GRM8: variants seen among roughly 807,000 people sequenced by gnomAD.
GRM8 encodes metabotropic glutamate receptor 8.
Under a neutral mutation model 87.2 loss-of-function variants are expected in GRM8, and 47 were observed. The observed-to-expected ratio is 0.54, with a 90% CI of 0.43 to 0.69. The LOEUF (loss-of-function observed/expected upper bound fraction) is 0.69, where lower values mean the gene tolerates loss of function less well. Ranked by LOEUF, GRM8 falls within the 30% of genes least tolerant of loss-of-function variation. The pLI is 0.00. For missense variants in GRM8, 1,019 were observed against 1,139.2 expected (o/e 0.89, Z 1.52); for synonymous variants, 396 against 404.5 (o/e 0.98, Z 0.25).
intron 2 of GRM8, among the ~76,000 whole-genome samples, chr7:127,225,661 AATAG>A (rs573828217): frequency 6.7e-4 from 99 of 148,590 alleles, no homozygotes; most frequent in Middle Eastern, 3.6e-3. Context: ...TCTATTTTAT[AATAG>A]ATAGATTATA....
intron 2 of GRM8, among the ~76,000 whole-genome samples, chr7:127,151,662 T>G (rs540810305): frequency 6.6e-6 from 1 of 152,206 alleles, no homozygotes; most frequent in South Asian, 2.1e-4. Context: ...ACTGGGATTT[T>G]AAGAAATACA....
rs1424960452 is a variant in GRM8 at position 127,252,458 on chromosome 7, T to C, written c.-312+339A>G. On this transcript the variant is annotated intron_variant, in intron 1 of 10. Transcript: ENST00000339582. This position sits in a 1 kb window ranked among gnomAD's most constrained non-coding sequence, Gnocchi z 4.9. ...CAACAGACACCCAATCAAGCTCCAA[T>C]GCCCGGCCAGCCCCTCGCCCCCTGG... 1 of 152,458 alleles carries C rather than the reference T, an allele frequency of 6.6e-6. No individual in the cohort carries two copies. The highest frequency in any genetic ancestry group is 1.5e-5 in the Non-Finnish European group (1 of 68,342). 9.4% of individuals were successfully genotyped at this position (152,458 alleles called of 1,614,324 possible).
chr7:126,593,182 A>G (rs999513061), intron 8 of GRM8, among the ~76,000 whole-genome samples: 2 of 152,010 alleles, frequency 1.3e-5, no homozygotes, highest in African/African-American at 4.8e-5. Context: ...TGTCCATACT[A>G]CACCAAGCAA....
intron 3 of GRM8, among the ~76,000 whole-genome samples, chr7:126,986,098 A>T (rs1812035953): frequency 6.6e-6 from 1 of 151,936 alleles, no homozygotes; most frequent in Non-Finnish European, 1.5e-5. Flanking sequence ...TGCAGCCTCC[A>T]CACTTCCTGG....
intron 8 of GRM8, among the ~76,000 whole-genome samples, chr7:126,599,090 T>C (rs1316151331): frequency 6.6e-6 from 1 of 152,112 alleles, no homozygotes; most frequent in Admixed American, 6.6e-5. Context: ...AAGACAGTTA[T>C]CAGAAGTCAC....
intron 2 of GRM8, among the ~76,000 whole-genome samples, chr7:127,153,126 G>A (rs900177040): frequency 3.3e-5 from 5 of 152,044 alleles, no homozygotes; most frequent in Non-Finnish European, 7.4e-5. Flanking sequence ...TGTATCTTTA[G>A]CATTTGGACC....
chr7:126,766,930 C>T (rs763370985), intron 7 of GRM8, among the ~76,000 whole-genome samples: 1 of 152,130 alleles, frequency 6.6e-6, no homozygotes, highest in Non-Finnish European at 1.5e-5. Flanking sequence ...CTACTTCCAG[C>T]TGCTATTAAA....
intron 3 of GRM8, among the ~76,000 whole-genome samples, chr7:127,067,239 A>C (rs1340837351): frequency 6.6e-6 from 1 of 152,098 alleles, no homozygotes; most frequent in Non-Finnish European, 1.5e-5. Context: ...ATAAACTACC[A>C]TTTCTAGAGC....
At chr7:126,875,447 C>G (rs1370322540) in intron 6 of GRM8, among the ~76,000 whole-genome samples, 3 of 152,136 alleles carry the variant, frequency 2.0e-5, no homozygotes, top group Non-Finnish European at 4.4e-5. Flanking sequence ...ATTGGTGTCT[C>G]CTTAAATCAA....
At chr7:126,639,826 G>C (rs181835544) in intron 7 of GRM8, among the ~76,000 whole-genome samples, 1 of 152,290 alleles carries the variant, frequency 6.6e-6, no homozygotes, top group East Asian at 1.9e-4. Context: ...CAGAAGCTGT[G>C]GTGTGAATGA....
chr7:126,632,791 C>CA, intron 7 of GRM8, among the ~76,000 whole-genome samples: 1 of 152,136 alleles, frequency 6.6e-6, no homozygotes, highest in African/African-American at 2.4e-5. Flanking sequence ...AACAGAATAT[C>CA]AAATACTGCA....
At chr7:126,968,592 TAC>T (rs1810103880) in intron 3 of GRM8, among the ~76,000 whole-genome samples, 1 of 152,210 alleles carries the variant, frequency 6.6e-6, no homozygotes, top group Non-Finnish European at 1.5e-5. Flanking sequence ...TGTATTTTGA[TAC>T]AGTTTCTTCC....
chr7:126,730,047 A>G (rs972467770), intron 7 of GRM8, among the ~76,000 whole-genome samples: 2 of 152,186 alleles, frequency 1.3e-5, no homozygotes, highest in Non-Finnish European at 2.9e-5. Context: ...AACAAAACAC[A>G]TCGATCAAAT....
chr7:126,757,485 T>G (rs1262337751), intron 7 of GRM8, among the ~76,000 whole-genome samples: 1 of 152,192 alleles, frequency 6.6e-6, no homozygotes, highest in Non-Finnish European at 1.5e-5. Flanking sequence ...GAACAAGACC[T>G]GGGGAAAATT....
chr7:126,862,375 G>A (rs922452616), intron 6 of GRM8, among the ~76,000 whole-genome samples: 1 of 151,734 alleles, frequency 6.6e-6, no homozygotes, highest in Non-Finnish European at 1.5e-5. Flanking sequence ...TTTTTTGAAT[G>A]TAATATTTTT....
At chr7:127,034,548 T>C (rs1817675641) in intron 3 of GRM8, among the ~76,000 whole-genome samples, 1 of 152,188 alleles carries the variant, frequency 6.6e-6, no homozygotes, top group Admixed American at 6.6e-5. Context: ...TTTTCCCTCT[T>C]CATATCCAGA....
intron 2 of GRM8, among the ~76,000 whole-genome samples, chr7:127,119,584 G>A (rs1026386176): frequency 9.2e-5 from 14 of 151,940 alleles, no homozygotes; most frequent in Non-Finnish European, 2.9e-5. Flanking sequence ...TGACTGAAAG[G>A]TGTTCCAGGC....
chr7:127,121,502 G>A (rs1168003845), intron 2 of GRM8, among the ~76,000 whole-genome samples: 2 of 152,222 alleles, frequency 1.3e-5, no homozygotes, highest in East Asian at 1.9e-4. Context: ...GAGCATCTCC[G>A]TGGTTATCTC....
At chr7:127,180,342 T>C (rs549892745) in intron 2 of GRM8, among the ~76,000 whole-genome samples, 206 of 152,102 alleles carry the variant, frequency 1.4e-3, no homozygotes, top group Non-Finnish European at 1.6e-3. Flanking sequence ...AGCAGTGAGA[T>C]TGAAATGGTA....
Sources: gnomAD v4.1 joint callset for allele counts (sites outside exome capture counted in the v4.1 genomes callset) on GRCh38, gnomAD v4.1.1 for gene constraint, Gnocchi (gnomAD v3.1) non-coding constraint, MANE v1.5 for transcripts, NCBI Gene and HGNC (gene_info 2026-07-23, HGNC 2026-07-21) for gene names.